Variants in PPP2R2B observed in about 807,000 individuals in gnomAD.
The protein encoded by PPP2R2B is serine/threonine-protein phosphatase 2A 55 kDa regulatory subunit B beta isoform.
In PPP2R2B, 5 loss-of-function variants were observed where a neutral mutation model predicts 46.0. The ratio of observed to expected loss-of-function variants is 0.11; its 90% CI spans 0.06 to 0.23. The LOEUF is 0.23. PPP2R2B is among the 10% of genes least tolerant of loss of function. The pLI is 1.00. For synonymous variants in PPP2R2B, 215 were observed against 206.7 expected (o/e 1.04, Z -0.34); for missense variants, 367 against 575.0 (o/e 0.64, Z 3.70).
intron 1 of PPP2R2B, among the ~76,000 whole-genome samples, chr5:146,927,161 T>A (rs1376946103): frequency 6.6e-6 from 1 of 152,132 alleles, no homozygotes; most frequent in East Asian, 1.9e-4. Context: ...AATAAACACG[T>A]CTCAGGTTGT....
chr5:146,849,488 G>C (rs1353805920), intron 2 of PPP2R2B, among the ~76,000 whole-genome samples: 3 of 152,106 alleles, frequency 2.0e-5, no homozygotes, highest in Admixed American at 2.0e-4. Flanking sequence ...ATAGTGCTTG[G>C]CACATATAAT....
chr5:146,876,533 G>A (rs1441211753), intron 2 of PPP2R2B, among the ~76,000 whole-genome samples: 3 of 152,148 alleles, frequency 2.0e-5, no homozygotes, highest in African/African-American at 7.2e-5. Flanking sequence ...GTGCTATCAG[G>A]TCACTGAGTC....
At chr5:146,806,948 AC>A (rs1210324998) in intron 2 of PPP2R2B, among the ~76,000 whole-genome samples, 2 of 152,052 alleles carry the variant, frequency 1.3e-5, no homozygotes, top group African/African-American at 2.4e-5. Flanking sequence ...CCTTAGGTCT[AC>A]CCCTGTGGGT....
At chr5:146,929,282 T>A (rs1433258606) in intron 1 of PPP2R2B, among the ~76,000 whole-genome samples, 1 of 152,134 alleles carries the variant, frequency 6.6e-6, no homozygotes, top group Non-Finnish European at 1.5e-5. Flanking sequence ...AGAACGTAAC[T>A]CAAAATGGGT....
intron 8 of PPP2R2B, among the ~76,000 whole-genome samples, chr5:146,598,964 CTGAT>C (rs1223053816): frequency 3.3e-5 from 5 of 152,260 alleles, no homozygotes; most frequent in African/African-American, 7.2e-5. Context: ...CTTTGAAAGG[CTGAT>C]TATTATGTAC....
Position 146,863,133 on chromosome 5 carries a change from A to G in PPP2R2B, c.70+14869T>C, listed in dbSNP as rs368451804. Among the ~76,000 whole-genome samples, 17 of 152,222 alleles carry G rather than the reference A, an allele frequency of 1.1e-4. No homozygotes were observed. In the South Asian group the frequency reaches 3.5e-3, roughly 32 times the overall value. Reference sequence around the variant, plus strand: ...CAGAAGGGGTCAGAGAACCTACAGAAAAATACATCTTGTTCACAAATGGAA... The same window carrying G: ...CAGAAGGGGTCAGAGAACCTACAGAGAAATACATCTTGTTCACAAATGGAA... On this transcript the variant is annotated intron_variant, in intron 2 of 9. Coordinates refer to ENST00000394411, the MANE Select transcript of PPP2R2B (RefSeq NM_181675.4).
At chr5:146,664,984 C>T (rs1776892413) in intron 5 of PPP2R2B, among the ~76,000 whole-genome samples, 1 of 137,050 alleles carries the variant, frequency 7.3e-6, no homozygotes, top group South Asian at 2.6e-4. Flanking sequence ...TTAAAATATA[C>T]AGTAAACCAT....
chr5:146,620,651 C>A (rs1336843904), intron 7 of PPP2R2B, among the ~76,000 whole-genome samples: 2 of 152,144 alleles, frequency 1.3e-5, no homozygotes, highest in Non-Finnish European at 2.9e-5. Flanking sequence ...GCTCCGGGAA[C>A]CCAATGGCAG....
chr5:146,825,759 C>T (rs1470592996), intron 2 of PPP2R2B, among the ~76,000 whole-genome samples: 1 of 152,152 alleles, frequency 6.6e-6, no homozygotes, highest in Non-Finnish European at 1.5e-5. Flanking sequence ...GTATGCAGTG[C>T]TATATTTTAA....
At chr5:146,961,293 T>C (rs551365195) in intron 1 of PPP2R2B, among the ~76,000 whole-genome samples, 14 of 152,182 alleles carry the variant, frequency 9.2e-5, no homozygotes, top group Non-Finnish European at 1.6e-4. Flanking sequence ...AATCTTATGT[T>C]TCTATGACTA....
intron 2 of PPP2R2B, among the ~76,000 whole-genome samples, chr5:146,756,257 T>C (rs1753824394): frequency 1.3e-5 from 2 of 152,196 alleles, no homozygotes. Flanking sequence ...TGGGTTACCA[T>C]TCATTGCCTC....
In PPP2R2B at chr5:146,810,356, G is replaced by A. The variant is rs190046178; in HGVS notation, c.70+67646C>T. On this transcript the variant is annotated intron_variant, in intron 2 of 9. Coordinates refer to ENST00000394411, the MANE Select transcript of PPP2R2B (RefSeq NM_181675.4). ...GAGAGCCGAGTGAAAGGAGTTTCCCGTTATAAAACCATCAGATTGCGTGAG... is the reference window on the plus strand; with the variant it reads ...GAGAGCCGAGTGAAAGGAGTTTCCCATTATAAAACCATCAGATTGCGTGAG... Among the ~76,000 whole-genome samples, 22 of 152,232 alleles carry A rather than the reference G, an allele frequency of 1.4e-4. No individual in the cohort carries two copies. The South Asian group carries it at 2.5e-3, about 17-fold the overall frequency.
intron 2 of PPP2R2B, among the ~76,000 whole-genome samples, chr5:146,834,308 A>G (rs182341607): frequency 2.1e-3 from 314 of 152,362 alleles, no homozygotes; most frequent in African/African-American, 7.0e-3. Flanking sequence ...ACATTCTGAT[A>G]GAATGGGTGA....
chr5:146,736,776 CTTTGTGTT>C (rs1752564051), intron 2 of PPP2R2B, among the ~76,000 whole-genome samples: 2 of 152,170 alleles, frequency 1.3e-5, no homozygotes, highest in South Asian at 4.1e-4. Context: ...AGGATTGCAG[CTTTGTGTT>C]TTCATCCCTG....
chr5:146,648,988 T>A (rs1205210000), intron 6 of PPP2R2B, among the ~76,000 whole-genome samples: 1 of 152,208 alleles, frequency 6.6e-6, no homozygotes, highest in African/African-American at 2.4e-5. Context: ...CTGGAATGTT[T>A]TTTATCAGGG....
chr5:146,824,693 TAAGC>T (rs1470900671), intron 2 of PPP2R2B, among the ~76,000 whole-genome samples: 1 of 151,940 alleles, frequency 6.6e-6, no homozygotes, highest in Non-Finnish European at 1.5e-5. Flanking sequence ...AATAATTAAT[TAAGC>T]CTCTCTTAGT....
Position 146,925,362 on chromosome 5 carries a change from A to G in PPP2R2B, c.79+130303T>C, listed in dbSNP as rs78917117. Among the ~76,000 whole-genome samples, 861 of 152,302 alleles carry G rather than the reference A, an allele frequency of 5.7e-3. 29 individuals are homozygous for G. In the East Asian group the frequency reaches 0.068, roughly 12 times the overall value. ...ACATTTGCTCAGTCTCTGTTTATCC[A>G]AAAATGTCCTTATTTTGCCCTCATT... On this transcript the variant is annotated intron_variant, in intron 1 of 8. Transcript: ENST00000336640.
chr5:146,941,759 C>G (rs1764331457), intron 1 of PPP2R2B, among the ~76,000 whole-genome samples: 1 of 152,078 alleles, frequency 6.6e-6, no homozygotes, highest in Admixed American at 6.6e-5. Context: ...AATGAAATTT[C>G]CTCCCCAAAT....
intron 2 of PPP2R2B, among the ~76,000 whole-genome samples, chr5:146,720,009 C>T (rs917628321): frequency 1.3e-5 from 2 of 152,066 alleles, no homozygotes; most frequent in African/African-American, 4.8e-5. Context: ...GCCTTAGTGT[C>T]AAGTGCCAGC....
Sources: gnomAD v4.1 joint callset for allele counts (sites outside exome capture counted in the v4.1 genomes callset) on GRCh38, gnomAD v4.1.1 for gene constraint, MANE v1.5 for transcripts, NCBI Gene and HGNC (gene_info 2026-07-23, HGNC 2026-07-21) for gene names.